NBPF20: variants seen among roughly 807,000 people sequenced by gnomAD.
NBPF20 encodes NBPF member 20.
Under a neutral mutation model 68.1 loss-of-function variants are expected in NBPF20, and 90 were observed. That is an observed-to-expected ratio of 1.32 (90% CI 1.11 to 1.58). The LOEUF (loss-of-function observed/expected upper bound fraction) is 1.58, where lower values mean the gene tolerates loss of function less well. Among genes scored for constraint, NBPF20 ranks in the 40% most tolerant of loss-of-function variants. The pLI, the probability that NBPF20 is intolerant of heterozygous loss-of-function variation, is 0.00. For synonymous variants in NBPF20, 290 were observed against 228.1 expected (o/e 1.27, Z -2.45); for missense variants, 816 against 601.2 (o/e 1.36, Z -3.74).
At chr1:145,425,569 G>A in the NBPF20 span, among the ~76,000 whole-genome samples, 2 of 152,170 alleles carry the variant, frequency 1.3e-5, no homozygotes, top group East Asian at 1.9e-4. Flanking sequence ...ATAGCCTGCG[G>A]CCAGCTGGAT....
chr1:145,425,419 G>C, the NBPF20 span, among the ~76,000 whole-genome samples: 1 of 152,116 alleles, frequency 6.6e-6, no homozygotes, highest in South Asian at 2.1e-4. Context: ...CCGCGCCGCC[G>C]CGCCTCGGCC....
chr1:145,393,095 C>G, exon 10 of NBPF20: 1 of 671,004 alleles, frequency 1.5e-6, no homozygotes, highest in Non-Finnish European at 2.4e-6. Flanking sequence ...ACAGCCAAGC[C>G]AATACGCTGT....
In NBPF20 at chr1:145,394,976, A is replaced by T; in HGVS notation, c.991+2T>A. ...TTATCACCTTCACAGTGTAGTACTC[A>T]CTGCCTATGTCAACAGCCATGCAGA... On this transcript the variant is annotated splice_donor_variant, in intron 8 of 137. Transcript: ENST00000369373. LOFTEE classifies it high-confidence loss of function. 1 of 1,611,990 alleles carries T rather than the reference A, an allele frequency of 6.2e-7. No individual in the cohort carries two copies.
Position 145,394,830 on chromosome 1 carries a change from C to A in NBPF20, c.991+148G>T. On this transcript the variant is annotated intron_variant, in intron 8 of 137. Coordinates refer to ENST00000369373, the Ensembl canonical transcript of NBPF20. ...CCATGCCTGTGCTTCAGACTCGACT[C>A]CAGAGTGATTGAAATCTACATTGAT... 5 of 1,538,012 alleles carry A rather than the reference C, an allele frequency of 3.3e-6. No homozygotes were observed. The South Asian group carries it at 5.6e-5, about 17-fold the overall frequency.
chr1:145,394,355 T>C (rs2101538614), intron 8 of NBPF20, among the ~76,000 whole-genome samples: 1 of 151,622 alleles, frequency 6.6e-6, no homozygotes, highest in East Asian at 1.9e-4. Context: ...TACCAGCTCT[T>C]GAGTCAAAAT....
At chr1:145,400,182 C>T (rs1276038733) in intron 6 of NBPF20, among the ~76,000 whole-genome samples, 1 of 152,186 alleles carries the variant, frequency 6.6e-6, no homozygotes, top group East Asian at 1.9e-4. Flanking sequence ...GATTGTCACA[C>T]TTGCCTGGGG....
exon 138 of NBPF20, chr1:145,291,350 T>G: frequency 1.5e-6 from 2 of 1,365,870 alleles, no homozygotes. Context: ...GTGGGTCCAT[T>G]GTCTTCAGAC....
At position 145,291,832 on chromosome 1, in the gene NBPF20, A is replaced by G. The variant is rs1661121850; in HGVS notation, c.16698-63T>C. ...AAATCAGAAACCACAGAGCCCCACT[A>G]GATTTCAGAAGTCACATAAGGAAGT... On this transcript the variant is annotated intron_variant, in intron 137 of 137. Transcript: ENST00000369373. The G allele has an allele frequency of 5.6e-6, 9 of 1,611,388 alleles. No individual in the cohort carries two copies. In the South Asian group the frequency reaches 7.7e-5, roughly 14 times the overall value.
exon 7 of NBPF20, chr1:145,399,069 T>TTCTTCC (rs1363249019): frequency 1.2e-5 from 8 of 647,156 alleles, no homozygotes; most frequent in Non-Finnish European, 2.2e-5. Flanking sequence ...CTGGCCCTTT[T>TTCTTCC]TCTTCCTCTT....
chr1:145,408,366 A>G (rs1662890154), upstream of NBPF20, among the ~76,000 whole-genome samples: 1 of 151,916 alleles, frequency 6.6e-6, no homozygotes, highest in South Asian at 2.1e-4. Context: ...TGGCTGGAAA[A>G]CTTTTTTGTT....
chr1:145,352,099 G>A lies in NBPF20; in HGVS notation c.7350-10C>T. The A allele has an allele frequency of 2.6e-5, 1 of 38,900 alleles. No homozygotes were observed. The highest frequency in any genetic ancestry group is 1.5e-4 in the South Asian group (1 of 6,568). 2.4% of individuals were successfully genotyped at this position (38,900 alleles called of 1,614,324 possible). A position where few individuals can be genotyped will look rare whatever the true frequency, so the allele number is the denominator to read the frequency against. ...CAGCTCCCTGCTGAGCCTGGAAAAG[G>A]AGGAAAAAGTAAAGAATAAGCCAGG... On this transcript the variant is annotated splice_polypyrimidine_tract_variant and intron_variant, in intron 61 of 137. Transcript: ENST00000369373.
At chr1:145,425,112 C>T in the NBPF20 span, among the ~76,000 whole-genome samples, 1 of 152,140 alleles carries the variant, frequency 6.6e-6, no homozygotes, top group Non-Finnish European at 1.5e-5. Flanking sequence ...ACAGAACACC[C>T]GCCAGCGAGT....
chr1:145,294,811 T>C (rs1661253893), exon 134 of NBPF20: 1 of 277,464 alleles, frequency 3.6e-6, no homozygotes, highest in Non-Finnish European at 6.0e-6. Flanking sequence ...GCCAAGGTAC[T>C]GTTCCTCCAA....
the NBPF20 span, among the ~76,000 whole-genome samples, chr1:145,424,588 G>C: frequency 6.6e-6 from 1 of 152,178 alleles, no homozygotes; most frequent in South Asian, 2.1e-4. Flanking sequence ...TGCAAGAAAA[G>C]ACTTCTTTTC....
At chr1:145,424,839 G>T in the NBPF20 span, among the ~76,000 whole-genome samples, 1 of 152,278 alleles carries the variant, frequency 6.6e-6, no homozygotes, top group South Asian at 2.1e-4. Context: ...TTCAGTGATG[G>T]CTACAAATGC....
chr1:145,425,454 G>C, the NBPF20 span, among the ~76,000 whole-genome samples: 1 of 152,176 alleles, frequency 6.6e-6, no homozygotes, highest in Non-Finnish European at 1.5e-5. Flanking sequence ...CAGGTCGCCC[G>C]TCCCGCGTTC....
chr1:145,405,218 C>G, exon 2 of NBPF20: 1 of 1,611,234 alleles, frequency 6.2e-7, no homozygotes, highest in Non-Finnish European at 8.5e-7. Context: ...TCGTTGATTT[C>G]TAGAATGTTC....
At chr1:145,291,232 TC>T (rs1168948258) in exon 138 of NBPF20, 1 of 546,590 alleles carries the variant, frequency 1.8e-6, no homozygotes, top group Non-Finnish European at 3.3e-6. Context: ...CAAAATGAAA[TC>T]CCTGAGGAAT....
At chr1:145,395,169 T>A in intron 7 of NBPF20, 28 bp from the exon 13 acceptor site, 1 of 1,375,140 alleles carries the variant, frequency 7.3e-7, no homozygotes, top group East Asian at 2.3e-5. Flanking sequence ...ACAGGGATGA[T>A]AGAAGATTTA....
Sources: gnomAD v4.1 joint callset for allele counts (sites outside exome capture counted in the v4.1 genomes callset) on GRCh38, gnomAD v4.1.1 for gene constraint, MANE v1.5 for transcripts, NCBI Gene and HGNC (gene_info 2026-07-23, HGNC 2026-07-21) for gene names.